Variants in SEC14L6 observed in about 807,000 individuals in gnomAD.
SEC14L6 encodes the protein SEC14 like lipid binding 6.
In SEC14L6, 40 loss-of-function variants were observed where a neutral mutation model predicts 54.1. That is an observed-to-expected ratio of 0.74 (90% confidence interval 0.57 to 0.96). The LOEUF (loss-of-function observed/expected upper bound fraction) is 0.96. SEC14L6 is among the 40% of genes least tolerant of loss of function. The pLI is 0.00. For synonymous variants in SEC14L6, 171 were observed against 198.4 expected (o/e 0.86, Z 1.16); for missense variants, 471 against 498.3 (o/e 0.95, Z 0.52).
In SEC14L6 at chr22:30,523,992, T is replaced by C; in HGVS notation, c.*1005A>G. On this transcript the variant is annotated 3_prime_UTR_variant, in exon 12 of 12. Transcript: ENST00000402034. ...CAACTGATATAAACCATATTCCAAC[T>C]ACCTCCTTTATCAGATTCTCACACT... 1 of 152,226 alleles carries C rather than the reference T, an allele frequency of 6.6e-6. No individual in the cohort carries two copies. The highest frequency in any genetic ancestry group is 1.9e-4 in the East Asian group (1 of 5,202). 9.4% of individuals were successfully genotyped at this position (152,226 alleles called of 1,614,324 possible). A position where few individuals can be genotyped will look rare whatever the true frequency, so the allele number is the denominator to read the frequency against.
intron 5 of SEC14L6, 102 bp from the exon 6 acceptor site, chr22:30,532,100 C>T (rs1411287310): frequency 6.8e-7 from 1 of 1,479,326 alleles, no homozygotes; most frequent in Non-Finnish European, 8.9e-7. Context: ...TGGCTTGTCT[C>T]AGCTCTGCAT....
At chr22:30,528,742 C>T (rs1476062246) in intron 8 of SEC14L6, among the ~76,000 whole-genome samples, 1 of 151,994 alleles carries the variant, frequency 6.6e-6, no homozygotes, top group Non-Finnish European at 1.5e-5. Flanking sequence ...GGATCTAATT[C>T]CCCCCATTAA....
At chr22:30,525,314 C>T (rs1489566654) in intron 11 of SEC14L6, 36 bp downstream of exon 11, 1 of 1,606,052 alleles carries the variant, frequency 6.2e-7, no homozygotes. Context: ...CCCCTAGCCC[C>T]CAGCTCCAGG....
intron 1 of SEC14L6, chr22:30,542,829 C>T: frequency 1.3e-6 from 2 of 1,596,540 alleles, no homozygotes; most frequent in East Asian, 2.2e-5. Context: ...AAGAAGGCCA[C>T]TTCCCCCGGG....
chr22:30,546,383 CA>C (rs915640201), intron 1 of SEC14L6, among the ~76,000 whole-genome samples: 3,746 of 49,916 alleles, frequency 0.075, 37 homozygotes, highest in African/African-American at 0.16. Context: ...AACTCCGTCT[CA>C]AAAAAAAAAA....
Position 30,546,643 on chromosome 22 carries a change from TCTC to T in SEC14L6, c.37_39del (p.Glu13del), listed in dbSNP as rs1432275447. 2.1e-5 allele frequency: 32 copies of T among 1,550,274 alleles called. No individual in the cohort carries two copies. Among genetic ancestry groups the T allele is most frequent in the Admixed American group, 1.2e-4 (6 of 50,966 alleles). On this transcript the variant is annotated inframe_deletion, in exon 1 of 12. Transcript: ENST00000402034. ...CCTTCACTCACCTGGGCCAGCGACT[TCTC>T]CTGCGATGGGCTCAGGTCACCCACT...
intron 1 of SEC14L6, among the ~76,000 whole-genome samples, chr22:30,540,050 T>A (rs916951257): frequency 1.3e-5 from 2 of 152,208 alleles, no homozygotes; most frequent in African/African-American, 4.8e-5. Context: ...TGGGTCTTAT[T>A]CTCTTTGGGC....
intron 8 of SEC14L6, among the ~76,000 whole-genome samples, chr22:30,527,493 TCA>T (rs1306163440): frequency 6.6e-6 from 1 of 151,956 alleles, no homozygotes. Flanking sequence ...ATGGGCACAT[TCA>T]CACACAGTTG....
chr22:30,523,276 C>G lies in SEC14L6; in HGVS notation c.*1721G>C, dbSNP rs1313926193. 6.6e-6 allele frequency: 1 copy of G among 152,202 alleles called. No individual in the cohort carries two copies. Among genetic ancestry groups the G allele is most frequent in the African/African-American group, 2.4e-5 (1 of 41,440 alleles). The allele number at this position is 152,202 out of a possible 1,614,324, so 9.4% of individuals were successfully genotyped here. A position where few individuals can be genotyped will look rare whatever the true frequency, so the allele number is the denominator to read the frequency against. ...TCTCAGCTGACAGCATAGCCAGACCCAAAGAGGCCTGATCGCAGGACAGCA... is the reference window on the plus strand; with the variant it reads ...TCTCAGCTGACAGCATAGCCAGACCGAAAGAGGCCTGATCGCAGGACAGCA... On this transcript the variant is annotated 3_prime_UTR_variant, in exon 12 of 12. Coordinates refer to ENST00000402034, the MANE Select transcript of SEC14L6 (RefSeq NM_001193336.4).
In SEC14L6 at chr22:30,529,279, CT is replaced by C; in HGVS notation, c.580+9del. ...CCCAACTCATGCATATCCTGGGCTG[CT>C]TTACTCACCTCTCACAACAATTAAA... On this transcript the variant is annotated intron_variant, in intron 7 of 11. Coordinates refer to ENST00000402034, the MANE Select transcript of SEC14L6 (RefSeq NM_001193336.4). The C allele has an allele frequency of 6.4e-7, 1 of 1,550,392 alleles. No individual in the cohort carries two copies. Among genetic ancestry groups the C allele is most frequent in the Non-Finnish European group, 8.7e-7 (1 of 1,146,788 alleles).
chr22:30,543,520 G>C, intron 1 of SEC14L6: 1 of 1,613,252 alleles, frequency 6.2e-7, no homozygotes, highest in Non-Finnish European at 8.5e-7. Context: ...CTGGCTCCTG[G>C]TGAATGTATC....
chr22:30,531,816 T>C, intron 6 of SEC14L6, 87 bp downstream of exon 6: 1 of 927,994 alleles, frequency 1.1e-6, no homozygotes. Context: ...GGAGAGAGGA[T>C]TCCCGCCCCT....
chr22:30,534,779 T>C (rs1335441837), intron 2 of SEC14L6, among the ~76,000 whole-genome samples: 1 of 152,108 alleles, frequency 6.6e-6, no homozygotes, highest in Non-Finnish European at 1.5e-5. Flanking sequence ...AATCCCAGCA[T>C]TTTTGGAGGC....
At chr22:30,544,748 C>G (rs1032167032) in intron 1 of SEC14L6, among the ~76,000 whole-genome samples, 2 of 152,114 alleles carry the variant, frequency 1.3e-5, no homozygotes, top group African/African-American at 4.8e-5. Context: ...AACTGTGTTG[C>G]TCCACCCGGA....
At chr22:30,528,575 C>G (rs1936858941) in intron 8 of SEC14L6, among the ~76,000 whole-genome samples, 1 of 151,698 alleles carries the variant, frequency 6.6e-6, no homozygotes, top group Non-Finnish European at 1.5e-5. Context: ...AGGTGTGCAC[C>G]ACCATGCCTG....
chr22:30,526,070 G>C (rs1447402369), intron 8 of SEC14L6, 138 bp from the exon 9 acceptor site: 1 of 1,025,808 alleles, frequency 9.7e-7, no homozygotes, highest in Non-Finnish European at 1.5e-6. Flanking sequence ...GCCTAGAGCA[G>C]TCCTGTCCCA....
intron 8 of SEC14L6, 28 bp from the exon 9 acceptor site, chr22:30,525,960 A>G (rs771382931): frequency 5.7e-6 from 9 of 1,570,562 alleles, no homozygotes; most frequent in African/African-American, 1.4e-5. Flanking sequence ...AGGGACTCCA[A>G]AGGGACTCAG....
At position 30,524,861 on chromosome 22, in the gene SEC14L6, T is replaced by C; in HGVS notation, c.*136A>G. 1.6e-6 allele frequency: 1 copy of C among 634,584 alleles called. No individual in the cohort carries two copies. 39.3% of individuals were successfully genotyped at this position (634,584 alleles called of 1,614,324 possible). On this transcript the variant is annotated 3_prime_UTR_variant, in exon 12 of 12. Transcript: ENST00000402034. ...AGCCGTTCCTGAGGAGTGGGCCAGC[T>C]GTGATGCATAGGCTGTGACCTGCTG...
chr22:30,529,053 A>G (rs1936875502), intron 8 of SEC14L6, 34 bp downstream of exon 8: 2 of 1,507,996 alleles, frequency 1.3e-6, no homozygotes, highest in Non-Finnish European at 1.8e-6. Context: ...CTCAGGATCC[A>G]GGCTGGAAAA....
Sources: gnomAD v4.1 joint callset for allele counts (sites outside exome capture counted in the v4.1 genomes callset) on GRCh38, gnomAD v4.1.1 for gene constraint, MANE v1.5 for transcripts, NCBI Gene and HGNC (gene_info 2026-07-23, HGNC 2026-07-21) for gene names.